The following ADAM9 variants were observed in gnomAD, a reference collection of about 807,000 sequenced individuals.
ADAM9 encodes the protein ADAM metallopeptidase domain 9.
ADAM9 carries 54 observed loss-of-function variants against 108.1 expected under a neutral mutation model. The observed-to-expected ratio is 0.50, with a 90% CI of 0.40 to 0.63. The LOEUF (loss-of-function observed/expected upper bound fraction) is 0.63, where lower values mean the gene tolerates loss of function less well. ADAM9 is among the 20% of genes least tolerant of loss of function. ADAM9 has a pLI of 0.00. For synonymous variants in ADAM9, 316 were observed against 336.0 expected (o/e 0.94, Z 0.65); for missense variants, 830 against 997.7 (o/e 0.83, Z 2.26).
intron 4 of ADAM9, chr8:39,015,391 A>T (rs917110747): frequency 1.3e-5 from 2 of 152,120 alleles, no homozygotes; most frequent in Admixed American, 1.3e-4. Context: ...TTATATAGAA[A>T]CTTATGTAAC....
At chr8:39,038,779 G>A (rs939720843) in intron 11 of ADAM9, among the ~76,000 whole-genome samples, 11 of 152,264 alleles carry the variant, frequency 7.2e-5, no homozygotes, top group African/African-American at 1.7e-4. Context: ...AAAAGAATAA[G>A]GAAGACAAGT....
Position 39,095,246 on chromosome 8 carries a change from C to A in ADAM9, c.2298+3900C>A, listed in dbSNP as rs1470847924. Reference sequence around the variant, plus strand: ...AGAACCCACATATAGGAAAAGTTGGCCCTCTGTATATGTGGGTCATGAATA... The same window carrying A: ...AGAACCCACATATAGGAAAAGTTGGACCTCTGTATATGTGGGTCATGAATA... On this transcript the variant is annotated intron_variant, in intron 20 of 21. Transcript: ENST00000487273. Among the ~76,000 whole-genome samples, 5 of 152,186 alleles carry A rather than the reference C, an allele frequency of 3.3e-5. No homozygotes were observed. The South Asian group carries it at 1.0e-3, about 32-fold the overall frequency.
chr8:39,081,669 C>A (rs1306657895), intron 16 of ADAM9, among the ~76,000 whole-genome samples: 1 of 152,120 alleles, frequency 6.6e-6, no homozygotes, highest in Non-Finnish European at 1.5e-5. Context: ...GTTTGGAGAT[C>A]TTTTGACTTT....
At chr8:39,048,150 ATCTCAGGTGATCT>A (rs1837835470) in intron 12 of ADAM9, among the ~76,000 whole-genome samples, 1 of 152,042 alleles carries the variant, frequency 6.6e-6, no homozygotes, top group Non-Finnish European at 1.5e-5. Context: ...CGATCTCCTG[ATCTCAGGTGATCT>A]ACCCGCCTTG....
chr8:39,022,744 C>T (rs934482558), intron 8 of ADAM9, among the ~76,000 whole-genome samples: 13 of 152,034 alleles, frequency 8.6e-5, no homozygotes, highest in South Asian at 8.3e-4. Flanking sequence ...AGATGAGTCT[C>T]GCTCTGTTGC....
At chr8:39,059,072 A>G (rs749667272) in intron 14 of ADAM9, among the ~76,000 whole-genome samples, 17 of 152,340 alleles carry the variant, frequency 1.1e-4, no homozygotes, top group Non-Finnish European at 2.4e-4. Flanking sequence ...TGGTAAGGCC[A>G]GTGAATTCCA....
At chr8:39,001,552 A>G (rs1835991775) in intron 1 of ADAM9, among the ~76,000 whole-genome samples, 1 of 152,212 alleles carries the variant, frequency 6.6e-6, no homozygotes, top group Non-Finnish European at 1.5e-5. Flanking sequence ...TAAACAAACA[A>G]CAGAAGCCAT....
At chr8:39,100,238 C>A (rs1430771451) in intron 20 of ADAM9, among the ~76,000 whole-genome samples, 2 of 151,678 alleles carry the variant, frequency 1.3e-5, no homozygotes, top group African/African-American at 4.8e-5. Flanking sequence ...ACTTGTAATC[C>A]CAACACTTTG....
intron 11 of ADAM9, among the ~76,000 whole-genome samples, chr8:39,038,740 T>C (rs1299284339): frequency 6.6e-6 from 1 of 152,108 alleles, no homozygotes; most frequent in Non-Finnish European, 1.5e-5. Context: ...ACAAAAGGAC[T>C]CCTCCCCACA....
rs1564301406 is a variant in ADAM9 at position 39,045,395 on chromosome 8, CACACACCTATATGTGCGCGTGTG to C, written c.1302+3279_1302+3301del. Among the ~76,000 whole-genome samples the C allele has an allele frequency of 1.4e-4, 15 of 109,262 alleles. 1 individual carries two copies. Among genetic ancestry groups the C allele is most frequent in the Admixed American group, 7.7e-4 (9 of 11,616 alleles). The allele number at this position is 109,262 out of a possible 152,430, so 71.7% of individuals were successfully genotyped here. A position where few individuals can be genotyped will look rare whatever the true frequency, so the allele number is the denominator to read the frequency against. ...GTACATACACCTATAGGTGTGTGTACACACACCTATATGTGCGCGTGTGTACACACACCTATATGTGCGCGTGT... is the reference window on the plus strand; with the variant it reads ...GTACATACACCTATAGGTGTGTGTACTACACACACCTATATGTGCGCGTGT... On this transcript the variant is annotated intron_variant, in intron 12 of 21. Transcript: ENST00000487273.
At chr8:39,046,061 A>C (rs1325667740) in intron 12 of ADAM9, among the ~76,000 whole-genome samples, 1 of 152,084 alleles carries the variant, frequency 6.6e-6, no homozygotes, top group Non-Finnish European at 1.5e-5. Flanking sequence ...CACTTTGGGT[A>C]ATATGGACAA....
chr8:39,019,192 A>C (rs1248513670), intron 7 of ADAM9, among the ~76,000 whole-genome samples: 2 of 151,816 alleles, frequency 1.3e-5, no homozygotes. Flanking sequence ...TTTTTGAGTG[A>C]ATCTGTACTG....
chr8:39,013,852 T>A (rs1171130825), intron 3 of ADAM9, 113 bp from the exon 4 acceptor site: 5 of 849,062 alleles, frequency 5.9e-6, no homozygotes, highest in African/African-American at 5.1e-5. Flanking sequence ...ATTTATCTGG[T>A]GAAAGTTCTT....
chr8:39,003,433 T>C (rs1184611296), intron 1 of ADAM9, among the ~76,000 whole-genome samples: 1 of 150,746 alleles, frequency 6.6e-6, no homozygotes, highest in Non-Finnish European at 1.5e-5. Context: ...TTTATATTAA[T>C]GTGGAAAAAT....
At chr8:39,084,175 G>T (rs1038134803) in intron 18 of ADAM9, among the ~76,000 whole-genome samples, 1 of 152,016 alleles carries the variant, frequency 6.6e-6, no homozygotes, top group African/African-American at 2.4e-5. Context: ...GTTTTTAATG[G>T]ATTGTCTTAA....
intron 20 of ADAM9, among the ~76,000 whole-genome samples, chr8:39,092,094 G>C (rs1839375070): frequency 6.6e-6 from 1 of 152,056 alleles, no homozygotes; most frequent in African/African-American, 2.4e-5. Flanking sequence ...TACTTTTATT[G>C]AGTGTTTAGA....
At chr8:39,048,970 A>G (rs1478189384) in intron 12 of ADAM9, among the ~76,000 whole-genome samples, 2 of 144,740 alleles carry the variant, frequency 1.4e-5, no homozygotes, top group African/African-American at 2.6e-5. Context: ...CCTTAGAACT[A>G]TAGTGAGTCT....
At chr8:39,079,669 C>T (rs1012884616) in intron 16 of ADAM9, among the ~76,000 whole-genome samples, 1 of 150,486 alleles carries the variant, frequency 6.6e-6, no homozygotes, top group South Asian at 2.1e-4. Context: ...AGTGCAACCT[C>T]CGCCTCCCAG....
intron 14 of ADAM9, among the ~76,000 whole-genome samples, chr8:39,061,159 C>T (rs1198853765): frequency 6.6e-6 from 1 of 152,188 alleles, no homozygotes; most frequent in East Asian, 1.9e-4. Flanking sequence ...TGCAATCCCT[C>T]CAGAGATGTG....
Sources: allele counts gnomAD v4.1 joint callset (sites outside exome capture counted in the v4.1 genomes callset), GRCh38; gene constraint gnomAD v4.1.1; transcripts MANE v1.5; gene names NCBI Gene and HGNC (gene_info 2026-07-23, HGNC 2026-07-21).